Variants in UNC13C observed in about 807,000 individuals in gnomAD.
The protein encoded by UNC13C is protein unc-13 homolog C.
UNC13C carries 174 observed loss-of-function variants against 245.4 expected under a neutral mutation model. That is an observed-to-expected ratio of 0.71 (90% CI 0.63 to 0.80). UNC13C has a LOEUF of 0.80. Among genes scored for constraint, UNC13C ranks in the 30% least tolerant of loss-of-function variants. The pLI is 0.00. For missense variants in UNC13C, 2,829 were observed against 2,602.9 expected (o/e 1.09, Z -1.89); for synonymous variants, 992 against 895.1 (o/e 1.11, Z -1.93).
intron 2 of UNC13C, among the ~76,000 whole-genome samples, chr15:54,022,618 G>A (rs552494128): frequency 6.6e-6 from 1 of 152,116 alleles, no homozygotes; most frequent in Admixed American, 6.5e-5. Context: ...CTATTGACTT[G>A]TTTGGGTTCC....
intron 2 of UNC13C, chr15:54,048,834 T>C (rs1897151873): frequency 8.0e-6 from 2 of 248,912 alleles, no homozygotes; most frequent in Admixed American, 1.1e-4. Flanking sequence ...AATTTGGGAA[T>C]TTTTACTGAA....
intron 30 of UNC13C, among the ~76,000 whole-genome samples, chr15:54,573,508 A>G (rs1897842217): frequency 6.6e-6 from 1 of 152,270 alleles, no homozygotes; most frequent in Admixed American, 6.5e-5. Flanking sequence ...TTATTATTCT[A>G]GAAATGTACT....
chr15:54,455,399 T>G (rs1891462841), intron 19 of UNC13C, among the ~76,000 whole-genome samples: 1 of 151,202 alleles, frequency 6.6e-6, no homozygotes, highest in African/African-American at 2.4e-5. Flanking sequence ...CTGGATCAAA[T>G]GGTAGTTCTA....
chr15:54,038,124 A>ATAAAAATTTTTTTTTTTTTTTTTTTTTT, intron 2 of UNC13C, among the ~76,000 whole-genome samples: 2 of 45,040 alleles, frequency 4.4e-5, no homozygotes, highest in African/African-American at 1.1e-4. Flanking sequence ...ATATATATAT[A>ATAAAAATTTTTTTTTTTTTTTTTTTTTT]TTTTTTTTTT....
At chr15:53,861,288 C>G in the UNC13C span, among the ~76,000 whole-genome samples, 1 of 151,944 alleles carries the variant, frequency 6.6e-6, no homozygotes, top group Non-Finnish European at 1.5e-5. Context: ...AGGTAAGAAT[C>G]GAATCAAGTA....
At chr15:53,853,493 AT>A in the UNC13C span, among the ~76,000 whole-genome samples, 1 of 152,180 alleles carries the variant, frequency 6.6e-6, no homozygotes, top group African/African-American at 2.4e-5. Context: ...TAAGTGAATG[AT>A]TTATATTCCT....
chr15:53,941,043 C>A, the UNC13C span, among the ~76,000 whole-genome samples: 1 of 120,650 alleles, frequency 8.3e-6, no homozygotes, highest in Non-Finnish European at 1.8e-5. Flanking sequence ...TCATGCTACC[C>A]AGCTTCAAAC....
At chr15:53,976,473 C>CTTTTTTTTTTT (rs1164175117), upstream of UNC13C, among the ~76,000 whole-genome samples, 4 of 27,522 alleles carry the variant, frequency 1.5e-4, no homozygotes, top group Admixed American at 6.4e-4. Flanking sequence ...CTCTCTCTCT[C>CTTTTTTTTTTT]TCTCTTTTTT....
chr15:54,283,755 C>T (rs764163276), intron 10 of UNC13C, among the ~76,000 whole-genome samples: 2 of 150,618 alleles, frequency 1.3e-5, no homozygotes, highest in Non-Finnish European at 1.5e-5. Flanking sequence ...ATATTTAATC[C>T]CCTTAAAAGT....
At chr15:54,173,958 G>C (rs2033514182) in intron 4 of UNC13C, among the ~76,000 whole-genome samples, 1 of 151,982 alleles carries the variant, frequency 6.6e-6, no homozygotes, top group South Asian at 2.1e-4. Context: ...AGATTATCAG[G>C]TGGGTTTCCC....
At chr15:54,586,613 C>G (rs1898505504) in intron 30 of UNC13C, among the ~76,000 whole-genome samples, 1 of 152,172 alleles carries the variant, frequency 6.6e-6, no homozygotes, top group Non-Finnish European at 1.5e-5. Context: ...CTTTTACAAA[C>G]AAATTTAGGG....
intron 9 of UNC13C, 123 bp from the exon 10 acceptor site, chr15:54,265,232 G>A (rs993088867): frequency 1.5e-6 from 1 of 654,856 alleles, no homozygotes; most frequent in Non-Finnish European, 2.3e-6. Context: ...TCATGAGAAT[G>A]AAAGCAATGG....
chr15:54,360,459 A>G (rs1186070218), intron 17 of UNC13C, among the ~76,000 whole-genome samples: 7 of 152,074 alleles, frequency 4.6e-5, no homozygotes, highest in African/African-American at 9.7e-5. Flanking sequence ...TTAATATAGT[A>G]TTTATATTTT....
chr15:54,525,992 G>A (rs1435886731), intron 25 of UNC13C, among the ~76,000 whole-genome samples: 2 of 152,116 alleles, frequency 1.3e-5, no homozygotes, highest in Admixed American at 6.6e-5. Context: ...TAAAGACAGG[G>A]AGGGAAGAAA....
chr15:53,857,328 T>C, the UNC13C span, among the ~76,000 whole-genome samples: 13 of 152,284 alleles, frequency 8.5e-5, no homozygotes, highest in East Asian at 1.9e-4. Flanking sequence ...TAGTAGAGTT[T>C]GTTAGACACC....
intron 4 of UNC13C, among the ~76,000 whole-genome samples, chr15:54,184,012 C>G (rs1030466731): frequency 1.3e-5 from 2 of 151,798 alleles, no homozygotes; most frequent in Non-Finnish European, 2.9e-5. Context: ...TTAAAAAGTA[C>G]AAAAATTACT....
At chr15:54,390,243 T>A (rs1475708508) in intron 17 of UNC13C, among the ~76,000 whole-genome samples, 4 of 152,370 alleles carry the variant, frequency 2.6e-5, no homozygotes, top group South Asian at 2.1e-4. Flanking sequence ...GCTCTTTCTA[T>A]ATACTGATCT....
At chr15:53,994,433 C>T (rs147581251) in intron 1 of UNC13C, among the ~76,000 whole-genome samples, 13 of 151,992 alleles carry the variant, frequency 8.6e-5, no homozygotes, top group Admixed American at 7.2e-4. Context: ...AAATGCCACA[C>T]CCATTTCACT....
chr15:54,374,524 C>T (rs2039562376), intron 17 of UNC13C, among the ~76,000 whole-genome samples: 1 of 152,234 alleles, frequency 6.6e-6, no homozygotes, highest in African/African-American at 2.4e-5. Context: ...TTAGTCTCAA[C>T]TTTGCTTCAA....
Sources: gnomAD v4.1 joint callset for allele counts (sites outside exome capture counted in the v4.1 genomes callset) on GRCh38, gnomAD v4.1.1 for gene constraint, MANE v1.5 for transcripts, NCBI Gene and HGNC (gene_info 2026-07-23, HGNC 2026-07-21) for gene names.